The following DGKB variants were observed in gnomAD, a reference collection of about 807,000 sequenced individuals.
The protein encoded by DGKB is 90 kDa diacylglycerol kinase.
A neutral mutation model predicts 114.3 loss-of-function variants in DGKB; 67 were observed. The ratio of observed to expected loss-of-function variants is 0.59; its 90% CI spans 0.48 to 0.72. The LOEUF (loss-of-function observed/expected upper bound fraction) is 0.72, where lower values mean the gene tolerates loss of function less well. Ranked by LOEUF, DGKB falls within the 30% of genes least tolerant of loss-of-function variation. The pLI is 0.00. For missense variants in DGKB, 907 were observed against 975.2 expected (o/e 0.93, Z 0.93); for synonymous variants, 398 against 323.1 (o/e 1.23, Z -2.49).
At position 14,424,148 on chromosome 7, in the gene DGKB, C is replaced by T. The variant is rs1827148792; in HGVS notation, c.1835+54013G>A. Among the ~76,000 whole-genome samples the T allele has an allele frequency of 2.0e-5, 3 of 152,032 alleles. No individual in the cohort carries two copies. In the South Asian group the frequency reaches 6.2e-4, roughly 31 times the overall value. On this transcript the variant is annotated intron_variant, in intron 21 of 25. Coordinates refer to ENST00000402815, the MANE Select transcript of DGKB (RefSeq NM_001350709.2). ...TGGTCACTGTTCATCTAGCCAAATCCTACCATTCAGTAAAACCAAATCATC... is the reference window on the plus strand; with the variant it reads ...TGGTCACTGTTCATCTAGCCAAATCTTACCATTCAGTAAAACCAAATCATC...
chr7:14,952,692 G>C (rs2128261178), intron 1 of DGKB, among the ~76,000 whole-genome samples: 1 of 152,116 alleles, frequency 6.6e-6, no homozygotes, highest in East Asian at 1.9e-4. Flanking sequence ...GGAGGAAGAG[G>C]TTGCAGCAGT....
At chr7:14,676,050 A>G (rs1819797250) in intron 12 of DGKB, among the ~76,000 whole-genome samples, 1 of 152,108 alleles carries the variant, frequency 6.6e-6, no homozygotes. Flanking sequence ...TATCATTTTC[A>G]GGACCACCTA....
intron 23 of DGKB, among the ~76,000 whole-genome samples, chr7:14,259,577 C>G (rs977787954): frequency 5.3e-5 from 8 of 152,158 alleles, no homozygotes; most frequent in African/African-American, 1.9e-4. Flanking sequence ...TAGGCGTGAG[C>G]CACCACATCC....
chr7:14,166,252 T>A (rs1330358787), intron 25 of DGKB, among the ~76,000 whole-genome samples: 1 of 152,192 alleles, frequency 6.6e-6, no homozygotes, highest in Non-Finnish European at 1.5e-5. Flanking sequence ...ACAACTAAAC[T>A]TTTTTGGTCA....
At chr7:14,528,162 G>C (rs1431222749) in intron 20 of DGKB, among the ~76,000 whole-genome samples, 1 of 152,068 alleles carries the variant, frequency 6.6e-6, no homozygotes, top group Non-Finnish European at 1.5e-5. Flanking sequence ...CATTTGCCAA[G>C]TCAAAAATCT....
At chr7:14,760,977 A>G (rs1461099713) in intron 2 of DGKB, among the ~76,000 whole-genome samples, 1 of 152,196 alleles carries the variant, frequency 6.6e-6, no homozygotes, top group East Asian at 1.9e-4. Context: ...TGCCCTTTCC[A>G]TGAACTAGGG....
rs1563488112 is a variant in DGKB, at chr7:14,552,603, G to GT, written c.1770+21608dup. 5.9e-5 allele frequency among the ~76,000 whole-genome samples: 9 copies of GT among 152,224 alleles called. No individual in the cohort carries two copies. In the South Asian group the frequency reaches 1.7e-3, roughly 28 times the overall value. ...GCTTGGATAAGGAATATGTCACCATGTTTTTTATGTTTTTAAACACGAAAA... is the reference window on the plus strand; with the variant it reads ...GCTTGGATAAGGAATATGTCACCATGTTTTTTTATGTTTTTAAACACGAAAA... On this transcript the variant is annotated intron_variant, in intron 20 of 25. Coordinates refer to ENST00000402815, the MANE Select transcript of DGKB (RefSeq NM_001350709.2).
At chr7:14,468,497 C>T (rs923416848) in intron 21 of DGKB, among the ~76,000 whole-genome samples, 5 of 149,210 alleles carry the variant, frequency 3.4e-5, no homozygotes, top group Non-Finnish European at 5.9e-5. Context: ...GCAGTTTCTT[C>T]CCTTTAAACT....
intron 20 of DGKB, among the ~76,000 whole-genome samples, chr7:14,499,135 G>A (rs1330285823): frequency 6.6e-6 from 1 of 151,650 alleles, no homozygotes; most frequent in African/African-American, 2.4e-5. Context: ...TTTTATAAAT[G>A]ATAAATTTTG....
chr7:14,451,846 T>C (rs1397592256), intron 21 of DGKB, among the ~76,000 whole-genome samples: 1 of 152,072 alleles, frequency 6.6e-6, no homozygotes, highest in East Asian at 1.9e-4. Flanking sequence ...ACTTCACCAG[T>C]AAGAGTGGCC....
intron 2 of DGKB, among the ~76,000 whole-genome samples, chr7:14,781,413 T>G (rs1447271544): frequency 6.6e-6 from 1 of 152,196 alleles, no homozygotes; most frequent in Non-Finnish European, 1.5e-5. Context: ...TTGAGTATAT[T>G]AGAAGAGAAG....
At chr7:14,902,194 A>C (rs761415604) in intron 1 of DGKB, among the ~76,000 whole-genome samples, 1 of 152,192 alleles carries the variant, frequency 6.6e-6, no homozygotes, top group Admixed American at 6.5e-5. Context: ...TCTGGACTGG[A>C]ACTTGTAACA....
intron 1 of DGKB, among the ~76,000 whole-genome samples, chr7:14,894,470 G>A (rs1781793630): frequency 6.6e-6 from 1 of 151,240 alleles, no homozygotes; most frequent in Non-Finnish European, 1.5e-5. Context: ...TATCAATATG[G>A]CATTGCTATA....
At chr7:14,836,896 G>C (rs1847239988) in intron 2 of DGKB, among the ~76,000 whole-genome samples, 1 of 152,324 alleles carries the variant, frequency 6.6e-6, no homozygotes, top group South Asian at 2.1e-4. Flanking sequence ...AACAGACACT[G>C]ACTCTTCATG....
At chr7:14,625,545 T>C (rs1808423678) in intron 14 of DGKB, among the ~76,000 whole-genome samples, 1 of 152,150 alleles carries the variant, frequency 6.6e-6, no homozygotes, top group Non-Finnish European at 1.5e-5. Flanking sequence ...TCACCAATCT[T>C]AGGTTGCACA....
chr7:14,323,723 G>A (rs1031571497), intron 23 of DGKB, among the ~76,000 whole-genome samples: 1 of 152,196 alleles, frequency 6.6e-6, no homozygotes, highest in African/African-American at 2.4e-5. Flanking sequence ...ACTTGGGCTT[G>A]AGTAGAGTGA....
At chr7:14,206,336 G>A (rs1225322110) in intron 23 of DGKB, among the ~76,000 whole-genome samples, 1 of 152,034 alleles carries the variant, frequency 6.6e-6, no homozygotes, top group Non-Finnish European at 1.5e-5. Context: ...GCAACAACTG[G>A]AAGCATGTGA....
intron 23 of DGKB, among the ~76,000 whole-genome samples, chr7:14,184,402 C>CT (rs1783090383): frequency 6.6e-6 from 1 of 152,122 alleles, no homozygotes; most frequent in Admixed American, 6.5e-5. Context: ...CCGGTCTCAC[C>CT]TTCTGCCTGG....
chr7:14,810,045 C>G (rs1456125191), intron 2 of DGKB, among the ~76,000 whole-genome samples: 5 of 152,206 alleles, frequency 3.3e-5, no homozygotes, highest in Admixed American at 3.3e-4. Context: ...TCCTTCAAAT[C>G]AGATTCTTCA....
Sources: gnomAD v4.1 joint callset for allele counts (sites outside exome capture counted in the v4.1 genomes callset) on GRCh38, gnomAD v4.1.1 for gene constraint, MANE v1.5 for transcripts, NCBI Gene and HGNC (gene_info 2026-07-23, HGNC 2026-07-21) for gene names.